Variants in TCAF1 observed in about 807,000 individuals in gnomAD.
The protein encoded by TCAF1 is TRPM8 channel-associated factor 1.
In TCAF1, 4 loss-of-function variants were observed where a neutral mutation model predicts 27.3. The ratio of observed to expected loss-of-function variants is 0.15; its 90% CI spans 0.07 to 0.34. The LOEUF (loss-of-function observed/expected upper bound fraction) is 0.34. Ranked by LOEUF, TCAF1 falls within the 10% of genes least tolerant of loss-of-function variation. The pLI, the probability that TCAF1 is intolerant of heterozygous loss-of-function variation, is 1.00. For synonymous variants in TCAF1, 105 were observed against 167.1 expected (o/e 0.63, Z 2.87); for missense variants, 257 against 425.8 (o/e 0.60, Z 3.49).
chr7:143,880,409 T>TA (rs1430207551), intron 1 of TCAF1, among the ~76,000 whole-genome samples: 1 of 152,228 alleles, frequency 6.6e-6, no homozygotes, highest in Middle Eastern at 3.2e-3. Context: ...AAGTACCTGT[T>TA]ACATACCAGG....
chr7:143,895,733 T>C (rs1448331778), intron 1 of TCAF1, among the ~76,000 whole-genome samples: 1 of 151,674 alleles, frequency 6.6e-6, no homozygotes, highest in African/African-American at 2.4e-5. Context: ...ATTTGATACT[T>C]GCGGGGTAAG....
At chr7:143,875,218 G>T (rs1171861002) in intron 2 of TCAF1, among the ~76,000 whole-genome samples, 1 of 152,148 alleles carries the variant, frequency 6.6e-6, no homozygotes, top group Non-Finnish European at 1.5e-5. Context: ...ACAACATAGA[G>T]AGTGGCCTAA....
At chr7:143,882,332 TC>T (rs1418830343) in intron 1 of TCAF1, 1 of 924,574 alleles carries the variant, frequency 1.1e-6, no homozygotes, top group Non-Finnish European at 1.3e-6. Flanking sequence ...CAAGTAATGC[TC>T]TGTCACCAGC....
intron 1 of TCAF1, among the ~76,000 whole-genome samples, chr7:143,887,383 T>C (rs1279881121): frequency 6.6e-6 from 1 of 152,210 alleles, no homozygotes; most frequent in Non-Finnish European, 1.5e-5. Context: ...AATTCTATAA[T>C]TGCGTGTTTA....
intron 1 of TCAF1, chr7:143,882,606 G>T: frequency 3.0e-6 from 3 of 985,404 alleles, no homozygotes; most frequent in Non-Finnish European, 2.4e-6. Flanking sequence ...CCAGACCCAC[G>T]GCGCACCCAT....
At position 143,876,123 on chromosome 7, in the gene TCAF1, C is replaced by T. The variant is rs1486148279; in HGVS notation, c.486G>A (p.Glu162=). 5 of 1,614,096 alleles carry T rather than the reference C, an allele frequency of 3.1e-6. No homozygotes were observed. Among genetic ancestry groups the T allele is most frequent in the Non-Finnish European group, 2.5e-6 (3 of 1,180,042 alleles). The change falls in exon 2 of 9, where the codon GAG becomes GAA. Residue 162 remains glutamate, a synonymous_variant. Coordinates refer to ENST00000479870, the MANE Select transcript of TCAF1 (RefSeq NM_014719.3). ...GQAWDWANQG[E]DERVLFTFPG... is the part of the protein sequence containing the mutation. ...GGAACGTGAACAGAACCCTTTCATC[C>T]TCCCCCTGGTTGGCCCAATCCCAGG...
At chr7:143,894,234 C>T (rs1813776461) in intron 1 of TCAF1, among the ~76,000 whole-genome samples, 1 of 151,666 alleles carries the variant, frequency 6.6e-6, no homozygotes, top group South Asian at 2.1e-4. Flanking sequence ...AAACATTCTG[C>T]AAAAAAGTTT....
intron 1 of TCAF1, among the ~76,000 whole-genome samples, chr7:143,897,131 A>AAAATAT (rs1813903380): frequency 1.2e-5 from 1 of 80,384 alleles, no homozygotes; most frequent in Non-Finnish European, 2.6e-5. Context: ...GTTAATCTTG[A>AAAATAT]ATATATATAT....
At chr7:143,882,504 G>C (rs1252069900) in intron 1 of TCAF1, 1 of 985,254 alleles carries the variant, frequency 1.0e-6, no homozygotes, top group Non-Finnish European at 1.2e-6. Context: ...GCGGCAGGGG[G>C]ATGCGGGACC....
At chr7:143,895,646 T>C (rs1244793516) in intron 1 of TCAF1, among the ~76,000 whole-genome samples, 3 of 151,700 alleles carry the variant, frequency 2.0e-5, no homozygotes, top group African/African-American at 7.2e-5. Flanking sequence ...GGGTTTTTTT[T>C]TGTAAAAAGA....
intron 1 of TCAF1, among the ~76,000 whole-genome samples, chr7:143,896,828 C>T (rs1460930082): frequency 1.3e-5 from 2 of 151,332 alleles, no homozygotes; most frequent in Admixed American, 6.6e-5. Flanking sequence ...TAAAAGCTTA[C>T]ATAGGAAGAA....
At chr7:143,880,244 T>C (rs1446012193) in intron 1 of TCAF1, among the ~76,000 whole-genome samples, 1 of 152,142 alleles carries the variant, frequency 6.6e-6, no homozygotes, top group Non-Finnish European at 1.5e-5. Flanking sequence ...CTATCCCCAT[T>C]TTATGGATGG....
intron 1 of TCAF1, chr7:143,885,127 G>C: frequency 1.6e-5 from 16 of 985,540 alleles, no homozygotes; most frequent in Non-Finnish European, 1.9e-5. Flanking sequence ...CACCTCAGCG[G>C]ACTGCATCGG....
chr7:143,888,511 T>C (rs543361687), intron 1 of TCAF1, among the ~76,000 whole-genome samples: 1 of 152,338 alleles, frequency 6.6e-6, no homozygotes, highest in Non-Finnish European at 1.5e-5. Flanking sequence ...TGCAATTTGC[T>C]TGTCTTGACC....
rs1364765258 is a variant in TCAF1 at position 143,859,944 on chromosome 7, T to G, written c.2167+264A>C. 5.4e-3 allele frequency among the ~76,000 whole-genome samples: 309 copies of G among 57,740 alleles called. 52 individuals carry two copies. The highest frequency in any genetic ancestry group is 6.5e-3 in the Non-Finnish European group (198 of 30,544). 37.9% of individuals were successfully genotyped at this position (57,740 alleles called of 152,430 possible). A position where few individuals can be genotyped will look rare whatever the true frequency, so the allele number is the denominator to read the frequency against. ...TATATATTATATAATATATATTATA[T>G]AATATATATTACGGAATATATATTA... On this transcript the variant is annotated intron_variant, in intron 6 of 8. Coordinates refer to ENST00000479870, the MANE Select transcript of TCAF1 (RefSeq NM_014719.3).
chr7:143,878,236 T>A (rs1046661562), intron 1 of TCAF1, among the ~76,000 whole-genome samples: 3 of 152,256 alleles, frequency 2.0e-5, no homozygotes, highest in Non-Finnish European at 4.4e-5. Context: ...TTTAAGCATG[T>A]GAATAATAGA....
intron 1 of TCAF1, among the ~76,000 whole-genome samples, chr7:143,881,225 C>T (rs1397412466): frequency 6.6e-6 from 1 of 152,158 alleles, no homozygotes; most frequent in Non-Finnish European, 1.5e-5. Flanking sequence ...GTGTCTGAGG[C>T]CAGAGTATAC....
intron 1 of TCAF1, among the ~76,000 whole-genome samples, chr7:143,892,586 G>C (rs1813691963): frequency 6.7e-6 from 1 of 149,008 alleles, no homozygotes; most frequent in Non-Finnish European, 1.5e-5. Flanking sequence ...AGATTGCAGT[G>C]GTGCGATCTT....
intron 1 of TCAF1, among the ~76,000 whole-genome samples, chr7:143,899,960 A>G (rs777221680): frequency 2.6e-5 from 4 of 152,256 alleles, no homozygotes; most frequent in Non-Finnish European, 5.9e-5. Flanking sequence ...CAGACTGACA[A>G]AAAATGTAAT....
Sources: gnomAD v4.1 joint callset for allele counts (sites outside exome capture counted in the v4.1 genomes callset) on GRCh38, gnomAD v4.1.1 for gene constraint, MANE v1.5 for transcripts, NCBI Gene and HGNC (gene_info 2026-07-23, HGNC 2026-07-21) for gene names.